Variants in KIF26B observed in about 807,000 individuals in gnomAD.
KIF26B encodes kinesin family member 26B.
A neutral mutation model predicts 151.2 loss-of-function variants in KIF26B; 63 were observed. The ratio of observed to expected loss-of-function variants is 0.42; its 90% CI spans 0.34 to 0.51. The LOEUF (loss-of-function observed/expected upper bound fraction) is 0.51. Among genes scored for constraint, KIF26B ranks in the 20% least tolerant of loss-of-function variants. The probability of loss-of-function intolerance (pLI) is 0.07; values close to 1 mark genes in which losing one functional copy is unlikely to be tolerated. For synonymous variants in KIF26B, 1,357 were observed against 1,262.1 expected (o/e 1.08, Z -1.59); for missense variants, 2,813 against 2,913.6 (o/e 0.97, Z 0.79).
At chr1:245,485,028 A>G (rs1488894773) in intron 4 of KIF26B, among the ~76,000 whole-genome samples, 1 of 152,204 alleles carries the variant, frequency 6.6e-6, no homozygotes, top group Non-Finnish European at 1.5e-5. Context: ...GGAATAGAAT[A>G]TTATTCAGCA....
chr1:245,158,357 A>G (rs763370002), intron 2 of KIF26B, among the ~76,000 whole-genome samples: 2 of 152,226 alleles, frequency 1.3e-5, no homozygotes, highest in African/African-American at 2.4e-5. Flanking sequence ...ATCATGTTTT[A>G]TGGAGTCCTG....
At chr1:245,337,673 A>G (rs986537513) in intron 2 of KIF26B, among the ~76,000 whole-genome samples, 1 of 152,216 alleles carries the variant, frequency 6.6e-6, no homozygotes, top group African/African-American at 2.4e-5. Flanking sequence ...GAATTAATAA[A>G]TAAATGACTA....
At chr1:245,621,090 G>A (rs1024020021) in intron 9 of KIF26B, among the ~76,000 whole-genome samples, 21 of 152,156 alleles carry the variant, frequency 1.4e-4, no homozygotes, top group Non-Finnish European at 2.8e-4. Context: ...CCCAGAGTGC[G>A]TGCTGCCCTC....
At chr1:245,521,401 T>A (rs1246285066) in intron 4 of KIF26B, among the ~76,000 whole-genome samples, 1 of 152,082 alleles carries the variant, frequency 6.6e-6, no homozygotes, top group African/African-American at 2.4e-5. Flanking sequence ...AATAACCATC[T>A]TCCCTATAGA....
chr1:245,317,434 T>C (rs758825363), intron 2 of KIF26B, among the ~76,000 whole-genome samples: 4 of 152,222 alleles, frequency 2.6e-5, no homozygotes, highest in Non-Finnish European at 5.9e-5. Context: ...GGGAGGCCGT[T>C]TGTTTTGGGC....
chr1:245,286,811 C>G (rs553024898), intron 2 of KIF26B, among the ~76,000 whole-genome samples: 2 of 152,180 alleles, frequency 1.3e-5, no homozygotes, highest in South Asian at 4.2e-4. Context: ...AAATTTCATG[C>G]AATTTGAAAA....
intron 10 of KIF26B, among the ~76,000 whole-genome samples, chr1:245,651,747 T>C (rs2044018208): frequency 6.6e-6 from 1 of 152,126 alleles, no homozygotes; most frequent in Non-Finnish European, 1.5e-5. Context: ...TATTGTGAAC[T>C]GTGTGTGCGA....
chr1:245,688,118 G>GCAGCGCCGGGACCTCGCCCCC lies in KIF26B; in HGVS notation c.5140_5160dup (p.Ala1714_Ser1720dup). The GCAGCGCCGGGACCTCGCCCCC allele has an allele frequency of 1.9e-6, 3 of 1,568,334 alleles. No individual in the cohort carries two copies. The highest frequency in any genetic ancestry group is 2.6e-6 in the Non-Finnish European group (3 of 1,162,100). ...CCCCGCGCGGGGAGGAGCCTGGGCC[G>GCAGCGCCGGGACCTCGCCCCC]CAGCGCCGGGACCTCGCCCCCCAGC... On this transcript the variant is annotated inframe_insertion, in exon 12 of 15. Transcript: ENST00000407071.
chr1:245,557,113 T>G (rs1449789198), intron 5 of KIF26B, among the ~76,000 whole-genome samples: 1 of 152,216 alleles, frequency 6.6e-6, no homozygotes, highest in Non-Finnish European at 1.5e-5. Flanking sequence ...TGCCAGGCCA[T>G]GTATGTGGGA....
chr1:245,458,681 C>G (rs764579265), intron 4 of KIF26B, among the ~76,000 whole-genome samples: 1 of 152,204 alleles, frequency 6.6e-6, no homozygotes, highest in African/African-American at 2.4e-5. Context: ...AATTGCAGCA[C>G]TTTAATCCCC....
rs2042971234 is a variant in KIF26B, at chr1:245,563,037, C to G, written c.1350+22087C>G. ...CATCATTGCCTTTTAATCTTTGCAT[C>G]CTGCCACCTCCCCAGCACAGCCAGC... On this transcript the variant is annotated intron_variant, in intron 5 of 14. Transcript: ENST00000407071. The surrounding 1 kb of genome is among the most constrained non-coding windows in gnomAD (Gnocchi z 4.6). Among the ~76,000 whole-genome samples the G allele has an allele frequency of 6.6e-6, 1 of 152,144 alleles. No homozygotes were observed. Among genetic ancestry groups the G allele is most frequent in the South Asian group, 2.1e-4 (1 of 4,822 alleles).
chr1:245,688,515 G>A lies in KIF26B; in HGVS notation c.5532G>A (p.Ala1844=). The A allele has an allele frequency of 1.3e-6, 2 of 1,505,482 alleles. No homozygotes were observed. Among genetic ancestry groups the A allele is most frequent in the African/African-American group, 1.4e-5 (1 of 69,022 alleles). The allele number at this position is 1,505,482 out of a possible 1,614,324, so 93.3% of individuals were successfully genotyped here. A position where few individuals can be genotyped will look rare whatever the true frequency, so the allele number is the denominator to read the frequency against. ...TGGCCGAGGACGAGCCCGCGGCCGC[G>A]CACCTGCTCCCGTCGCCCTACAGCA... The part of the protein sequence containing the change: ...GALAEDEPAA[A]HLLPSPYSKI... The change falls in exon 12 of 15, where the codon GCG becomes GCA. Residue 1844 remains alanine, a synonymous_variant. Transcript: ENST00000407071.
rs191124373 is a variant in KIF26B, at chr1:245,487,649, G to A, written c.1167-53118G>A. On this transcript the variant is annotated intron_variant, in intron 4 of 14. Transcript: ENST00000407071. ...GGGTCTCAGTCCATTTGCCCAGGCT[G>A]GAGTGCAGTGACACAATCTCAGCTC... 1.1e-4 allele frequency among the ~76,000 whole-genome samples: 16 copies of A among 152,122 alleles called. No homozygotes were observed. The East Asian group carries it at 1.5e-3, about 15-fold the overall frequency.
chr1:245,678,602 G>A (rs952979508), intron 10 of KIF26B, among the ~76,000 whole-genome samples: 3 of 152,090 alleles, frequency 2.0e-5, no homozygotes, highest in Non-Finnish European at 4.4e-5. Flanking sequence ...AGTGGCTCAC[G>A]CCTGTAATCC....
chr1:245,520,595 TCCATCCACCCAC>T (rs1251639810), intron 4 of KIF26B, among the ~76,000 whole-genome samples: 40 of 116,494 alleles, frequency 3.4e-4, no homozygotes, highest in South Asian at 6.6e-4. Context: ...CATCCATCCA[TCCATCCACCCAC>T]CCACCCATCC....
At chr1:245,449,746 TGAATGA>T (rs1659343716) in intron 4 of KIF26B, among the ~76,000 whole-genome samples, 1 of 152,236 alleles carries the variant, frequency 6.6e-6, no homozygotes, top group Admixed American at 6.5e-5. Flanking sequence ...AACCATCATT[TGAATGA>T]GGAGGTAAAA....
chr1:245,646,798 G>A (rs1457452531), intron 10 of KIF26B, among the ~76,000 whole-genome samples: 2 of 152,156 alleles, frequency 1.3e-5, no homozygotes, highest in African/African-American at 4.8e-5. Flanking sequence ...CCCAATCTCG[G>A]GAGTTCAGAA....
chr1:245,430,482 T>C (rs1315222672), intron 4 of KIF26B, among the ~76,000 whole-genome samples: 1 of 151,888 alleles, frequency 6.6e-6, no homozygotes, highest in African/African-American at 2.4e-5. Context: ...CTGGGCAACA[T>C]AGCAAGACCC....
intron 4 of KIF26B, among the ~76,000 whole-genome samples, chr1:245,483,838 T>C (rs906383709): frequency 1.3e-5 from 2 of 151,924 alleles, no homozygotes; most frequent in Non-Finnish European, 2.9e-5. Flanking sequence ...GGGAAGCATA[T>C]TTCCTGTTAC....
Sources: gnomAD v4.1 joint callset for allele counts (sites outside exome capture counted in the v4.1 genomes callset) on GRCh38, gnomAD v4.1.1 for gene constraint, Gnocchi (gnomAD v3.1) non-coding constraint, MANE v1.5 for transcripts, NCBI Gene and HGNC (gene_info 2026-07-23, HGNC 2026-07-21) for gene names.